PRDM16: variants seen among roughly 807,000 people sequenced by gnomAD.
The protein encoded by PRDM16 is histone-lysine N-methyltransferase PRDM16.
Under a neutral mutation model 110.6 loss-of-function variants are expected in PRDM16, and 23 were observed. The ratio of observed to expected loss-of-function variants is 0.21; its 90% confidence interval spans 0.15 to 0.29. The LOEUF (loss-of-function observed/expected upper bound fraction) is 0.29. Among genes scored for constraint, PRDM16 ranks in the 10% least tolerant of loss-of-function variants. PRDM16 has a pLI of 1.00. For synonymous variants in PRDM16, 799 were observed against 781.8 expected (o/e 1.02, Z -0.37); for missense variants, 1,615 against 1,794.3 (o/e 0.90, Z 1.81).
At chr1:3,082,488 G>A (rs1199427959) in intron 1 of PRDM16, among the ~76,000 whole-genome samples, 1 of 152,228 alleles carries the variant, frequency 6.6e-6, no homozygotes, top group Non-Finnish European at 1.5e-5. Context: ...AGGAGCCCCT[G>A]AGCTGGGCTG....
chr1:3,296,579 AG>A (rs1641094543), intron 3 of PRDM16, among the ~76,000 whole-genome samples: 1 of 152,196 alleles, frequency 6.6e-6, no homozygotes, highest in South Asian at 2.1e-4. Context: ...GGCTTCCAAC[AG>A]GGGGACCTGG....
chr1:3,181,143 TACAC>T (rs1247131124), intron 1 of PRDM16, among the ~76,000 whole-genome samples: 62 of 134,948 alleles, frequency 4.6e-4, no homozygotes, highest in Non-Finnish European at 6.3e-4. Flanking sequence ...CACGCGGTCT[TACAC>T]ACGCAGTCTT....
At chr1:3,287,915 C>T (rs1023529339) in intron 3 of PRDM16, among the ~76,000 whole-genome samples, 11 of 152,248 alleles carry the variant, frequency 7.2e-5, no homozygotes, top group Admixed American at 3.9e-4. Context: ...CTCGCACACC[C>T]TCAGGTTTCT....
chr1:3,391,792 G>A (rs946681145), intron 4 of PRDM16, among the ~76,000 whole-genome samples: 14 of 152,242 alleles, frequency 9.2e-5, no homozygotes, highest in Admixed American at 6.5e-4. Context: ...CGCTCAGCAC[G>A]GAGGAAGCCG....
intron 1 of PRDM16, among the ~76,000 whole-genome samples, chr1:3,142,488 G>C (rs1393335716): frequency 1.3e-5 from 2 of 152,088 alleles, no homozygotes; most frequent in African/African-American, 2.4e-5. Context: ...CCTTGGTCTC[G>C]GGGCAGGCGC....
rs1207176605 is a variant in PRDM16, at chr1:3,339,908, G to A, written c.439-45244G>A. ...GAAGATGCGGTTCTGTGCAGCAGCT[G>A]AGGTTGGAAGGGCCACCAGGCAAGT... is the stretch of plus-strand genomic sequence containing the variant. On this transcript the variant is annotated intron_variant, in intron 3 of 16. Transcript: ENST00000270722. The surrounding 1 kb of genome is among the most constrained non-coding windows in gnomAD (Gnocchi z 5.0). 6.6e-6 allele frequency among the ~76,000 whole-genome samples: 1 copy of A among 152,230 alleles called. No homozygotes were observed. Among genetic ancestry groups the A allele is most frequent in the African/African-American group, 2.4e-5 (1 of 41,460 alleles).
At chr1:3,087,693 G>A (rs1299199458) in intron 1 of PRDM16, among the ~76,000 whole-genome samples, 4 of 152,278 alleles carry the variant, frequency 2.6e-5, no homozygotes, top group African/African-American at 9.6e-5. Context: ...ATCCAGGGAT[G>A]GCCGGTGGCC....
At chr1:3,090,319 A>G (rs952084816) in intron 1 of PRDM16, among the ~76,000 whole-genome samples, 5 of 152,196 alleles carry the variant, frequency 3.3e-5, no homozygotes, top group African/African-American at 7.2e-5. Context: ...TCCACTTCCA[A>G]GGGAGTCCAG....
chr1:3,142,453 C>A (rs1017458045), intron 1 of PRDM16, among the ~76,000 whole-genome samples: 1 of 152,106 alleles, frequency 6.6e-6, no homozygotes, highest in African/African-American at 2.4e-5. Context: ...TCCATCAAAG[C>A]CTTAATTGAC....
At chr1:3,331,610 A>G (rs1285445873) in intron 3 of PRDM16, among the ~76,000 whole-genome samples, 1 of 152,188 alleles carries the variant, frequency 6.6e-6, no homozygotes, top group African/African-American at 2.4e-5. Context: ...AAGGAAACAC[A>G]TTCGTCCAAA....
At position 3,202,938 on chromosome 1, in the gene PRDM16, G is replaced by A. The variant is rs1156537228; in HGVS notation, c.387+16464G>A. On this transcript the variant is annotated intron_variant, in intron 2 of 16. Coordinates refer to ENST00000270722, the MANE Select transcript of PRDM16 (RefSeq NM_022114.4). ...GAGGTGCAGAGACGAAGAACGTGGC[G>A]GTTGGTGTGGGGGAAGGAGTTTTCT... Among the ~76,000 whole-genome samples, 5 of 152,208 alleles carry A rather than the reference G, an allele frequency of 3.3e-5. No homozygotes were observed. The South Asian group carries it at 8.3e-4, about 25-fold the overall frequency.
chr1:3,377,350 G>A (rs1008609142), intron 3 of PRDM16, among the ~76,000 whole-genome samples: 9 of 152,332 alleles, frequency 5.9e-5, no homozygotes, highest in East Asian at 1.9e-4. Flanking sequence ...ATGCTGCGGC[G>A]TTCCCACCTG....
chr1:3,233,868 G>A (rs1156689965), intron 2 of PRDM16, among the ~76,000 whole-genome samples: 9 of 150,812 alleles, frequency 6.0e-5, no homozygotes, highest in African/African-American at 7.4e-5. Context: ...CAATCATACC[G>A]CAATGAAGTG....
chr1:3,114,729 G>A (rs1042291836), intron 1 of PRDM16, among the ~76,000 whole-genome samples: 8 of 152,256 alleles, frequency 5.3e-5, no homozygotes, highest in African/African-American at 1.2e-4. Context: ...TCCTGCAGCC[G>A]GGTAGATGGT....
intron 1 of PRDM16, among the ~76,000 whole-genome samples, chr1:3,146,955 TGTGTGCAC>T (rs1329307492): frequency 1.9e-5 from 2 of 107,664 alleles, no homozygotes; most frequent in Non-Finnish European, 3.6e-5. Flanking sequence ...GTGGGGGGTA[TGTGTGCAC>T]GTGTGCTCGG....
At chr1:3,389,110 C>T (rs569360658) in intron 4 of PRDM16, among the ~76,000 whole-genome samples, 1 of 152,302 alleles carries the variant, frequency 6.6e-6, no homozygotes, top group East Asian at 1.9e-4. Flanking sequence ...AGACACCTGC[C>T]CTGTACAAAA....
intron 3 of PRDM16, among the ~76,000 whole-genome samples, chr1:3,257,326 A>C (rs1640073672): frequency 6.6e-6 from 1 of 152,094 alleles, no homozygotes; most frequent in Non-Finnish European, 1.5e-5. Context: ...GGTTGGGTGG[A>C]GCATCAGGCC....
At chr1:3,250,841 G>A (rs1490569057) in intron 3 of PRDM16, among the ~76,000 whole-genome samples, 2 of 152,158 alleles carry the variant, frequency 1.3e-5, no homozygotes, top group African/African-American at 2.4e-5. Context: ...ACCCTGAAGC[G>A]TCCTGGGAAG....
At chr1:3,098,803 G>T (rs1485573758) in intron 1 of PRDM16, among the ~76,000 whole-genome samples, 5 of 152,228 alleles carry the variant, frequency 3.3e-5, no homozygotes, top group Non-Finnish European at 7.3e-5. Flanking sequence ...AGAGCTGGCT[G>T]CCTCCTTGGG....
Sources: gnomAD v4.1 joint callset for allele counts (sites outside exome capture counted in the v4.1 genomes callset) on GRCh38, gnomAD v4.1.1 for gene constraint, Gnocchi (gnomAD v3.1) non-coding constraint, MANE v1.5 for transcripts, NCBI Gene and HGNC (gene_info 2026-07-23, HGNC 2026-07-21) for gene names.